PRKD1: variants seen among roughly 807,000 people sequenced by gnomAD.
PRKD1 encodes the protein protein kinase D1.
A neutral mutation model predicts 95.9 loss-of-function variants in PRKD1; 63 were observed. That is an observed-to-expected ratio of 0.66 (90% CI 0.54 to 0.81). PRKD1 has a LOEUF of 0.81. Ranked by LOEUF, PRKD1 falls within the 30% of genes least tolerant of loss-of-function variation. The probability of loss-of-function intolerance (pLI) is 0.00; values close to 1 mark genes in which losing one functional copy is unlikely to be tolerated. For missense variants in PRKD1, 1,048 were observed against 1,165.3 expected (o/e 0.90, Z 1.47); for synonymous variants, 425 against 423.1 (o/e 1.00, Z -0.05).
intron 16 of PRKD1, among the ~76,000 whole-genome samples, chr14:29,579,301 T>C (rs1892676679): frequency 1.3e-5 from 2 of 151,818 alleles, no homozygotes; most frequent in South Asian, 2.1e-4. Context: ...CATGTTTCTC[T>C]TTTTGAATTT....
intron 3 of PRKD1, 117 bp from the exon 4 acceptor site, chr14:29,663,976 T>C (rs1882338982): frequency 7.4e-6 from 8 of 1,075,278 alleles, no homozygotes; most frequent in South Asian, 1.7e-5. Context: ...TTGAGAGTAT[T>C]TGGAAATTCA....
At chr14:29,925,262 C>A (rs1013838484) in intron 1 of PRKD1, among the ~76,000 whole-genome samples, 7 of 152,164 alleles carry the variant, frequency 4.6e-5, no homozygotes, top group African/African-American at 1.4e-4. Flanking sequence ...CATGTTCCAA[C>A]TAGCTCATGA....
intron 1 of PRKD1, among the ~76,000 whole-genome samples, chr14:29,876,998 A>C (rs921443971): frequency 2.0e-5 from 3 of 152,096 alleles, no homozygotes; most frequent in African/African-American, 7.2e-5. Context: ...CTAAAAATAC[A>C]AAAATTAGAC....
intron 4 of PRKD1, among the ~76,000 whole-genome samples, chr14:29,646,474 T>G (rs796072548): frequency 5.3e-5 from 8 of 152,258 alleles, no homozygotes; most frequent in African/African-American, 1.9e-4. Flanking sequence ...ACTGCATGCC[T>G]GTATGAAAAT....
intron 13 of PRKD1, among the ~76,000 whole-genome samples, chr14:29,600,544 G>A (rs1021005131): frequency 4.6e-5 from 7 of 152,140 alleles, no homozygotes; most frequent in Non-Finnish European, 1.5e-5. Flanking sequence ...AACCAAGTGA[G>A]TATTGAAAAT....
chr14:29,899,586 G>A (rs1894250755), intron 1 of PRKD1, among the ~76,000 whole-genome samples: 1 of 152,194 alleles, frequency 6.6e-6, no homozygotes. Context: ...GGTGGCGGTT[G>A]CAGTGAGCTG....
intron 2 of PRKD1, among the ~76,000 whole-genome samples, chr14:29,681,802 A>T (rs554703425): frequency 6.6e-6 from 1 of 152,338 alleles, no homozygotes; most frequent in Admixed American, 6.5e-5. Flanking sequence ...GCTCACTCTC[A>T]TGGATCATAG....
intron 4 of PRKD1, among the ~76,000 whole-genome samples, chr14:29,654,752 G>A (rs1295656144): frequency 6.6e-6 from 1 of 152,156 alleles, no homozygotes; most frequent in Admixed American, 6.5e-5. Flanking sequence ...ACATAAAAGT[G>A]TAAACTGACC....
At chr14:29,638,346 GAACA>G in intron 6 of PRKD1, 139 bp downstream of exon 6, 1 of 757,880 alleles carries the variant, frequency 1.3e-6, no homozygotes, top group Non-Finnish European at 2.2e-6. Context: ...TTGTAAAGTA[GAACA>G]AACACTGGCC....
intron 2 of PRKD1, among the ~76,000 whole-genome samples, chr14:29,692,512 C>G (rs1293724099): frequency 1.3e-5 from 2 of 152,038 alleles, no homozygotes; most frequent in African/African-American, 2.4e-5. Flanking sequence ...CTTTTATTTA[C>G]AGGTGGGAGG....
intron 4 of PRKD1, among the ~76,000 whole-genome samples, chr14:29,649,170 T>C (rs1159988273): frequency 6.6e-6 from 1 of 152,176 alleles, no homozygotes; most frequent in Non-Finnish European, 1.5e-5. Context: ...GCCTGCCTGA[T>C]TTTTTTAGCC....
chr14:29,915,052 T>C (rs1178441897), intron 1 of PRKD1, among the ~76,000 whole-genome samples: 1 of 152,154 alleles, frequency 6.6e-6, no homozygotes, highest in South Asian at 2.1e-4. Flanking sequence ...GGACCCTTAG[T>C]TGTTTTCTCA....
intron 16 of PRKD1, among the ~76,000 whole-genome samples, chr14:29,596,531 G>A (rs2139004169): frequency 6.6e-6 from 1 of 152,184 alleles, no homozygotes; most frequent in East Asian, 1.9e-4. Context: ...TCAGCTCATT[G>A]CAACCTGCAC....
At chr14:29,697,340 TATACTC>T (rs1262588452) in intron 2 of PRKD1, among the ~76,000 whole-genome samples, 5 of 152,186 alleles carry the variant, frequency 3.3e-5, no homozygotes, top group Non-Finnish European at 5.9e-5. Flanking sequence ...GATGACCTCT[TATACTC>T]AGAGAGCAAA....
chr14:29,876,425 G>A (rs1221798332), intron 1 of PRKD1, among the ~76,000 whole-genome samples: 2 of 152,114 alleles, frequency 1.3e-5, no homozygotes, highest in African/African-American at 4.8e-5. Context: ...CCTGATTTTG[G>A]TGGTAGATAC....
intron 1 of PRKD1, among the ~76,000 whole-genome samples, chr14:29,886,132 C>G (rs986105753): frequency 6.6e-6 from 1 of 152,052 alleles, no homozygotes; most frequent in African/African-American, 2.4e-5. Flanking sequence ...CATTAAATGA[C>G]GGAAGGAGGA....
At chr14:29,628,895 TA>T (rs1879799385) in intron 11 of PRKD1, 145 bp downstream of exon 11, 2 of 376,350 alleles carry the variant, frequency 5.3e-6, no homozygotes, top group Non-Finnish European at 8.4e-6. Context: ...TTAATATTTC[TA>T]AAATATCACA....
chr14:29,685,784 C>G (rs375907383), intron 2 of PRKD1, among the ~76,000 whole-genome samples: 3 of 151,636 alleles, frequency 2.0e-5, no homozygotes, highest in Non-Finnish European at 4.4e-5. Flanking sequence ...AATACTGGAC[C>G]AGCTAACTAT....
intron 16 of PRKD1, chr14:29,594,182 A>G (rs1893220631): frequency 2.2e-6 from 1 of 447,276 alleles, no homozygotes; most frequent in South Asian, 1.6e-5. Flanking sequence ...ACACTAACAG[A>G]AAAAATACAT....
Sources: allele counts gnomAD v4.1 joint callset (sites outside exome capture counted in the v4.1 genomes callset), GRCh38; gene constraint gnomAD v4.1.1; transcripts MANE v1.5; gene names NCBI Gene and HGNC (gene_info 2026-07-23, HGNC 2026-07-21).